The following METTL8 variants were observed in gnomAD, a reference collection of about 807,000 sequenced individuals.
METTL8 encodes the protein methyltransferase 8, tRNA N3-cytidine.
Under a neutral mutation model 48.7 loss-of-function variants are expected in METTL8, and 32 were observed. That is an observed-to-expected ratio of 0.66 (90% CI 0.50 to 0.88). The LOEUF is 0.88. Ranked by LOEUF, METTL8 falls within the 40% of genes least tolerant of loss-of-function variation. The pLI is 0.00. For synonymous variants in METTL8, 136 were observed against 157.1 expected (o/e 0.87, Z 1.01); for missense variants, 464 against 474.4 (o/e 0.98, Z 0.20).
intron 1 of METTL8, among the ~76,000 whole-genome samples, chr2:171,408,135 A>G (rs1346373087): frequency 6.6e-6 from 1 of 152,164 alleles, no homozygotes; most frequent in African/African-American, 2.4e-5. Flanking sequence ...CTCTATGTAC[A>G]AGGAGCTTAT....
intron 3 of METTL8, among the ~76,000 whole-genome samples, chr2:171,350,429 G>A (rs929739402): frequency 1.3e-5 from 2 of 152,208 alleles, no homozygotes; most frequent in African/African-American, 4.8e-5. Flanking sequence ...ACATACGTGT[G>A]CATGTGTCTT....
chr2:171,378,749 T>C (rs753898037), intron 2 of METTL8, among the ~76,000 whole-genome samples: 24 of 152,154 alleles, frequency 1.6e-4, no homozygotes, highest in Admixed American at 9.2e-4. Context: ...AGCACCCAGA[T>C]TCATAAAACA....
At chr2:171,381,560 G>GA (rs890584735) in intron 2 of METTL8, among the ~76,000 whole-genome samples, 9 of 149,182 alleles carry the variant, frequency 6.0e-5, no homozygotes, top group African/African-American at 1.2e-4. Flanking sequence ...AAATTTACAA[G>GA]AAAAAAAAAC....
chr2:171,330,400 G>A (rs61021737), intron 7 of METTL8, among the ~76,000 whole-genome samples, 159 bp downstream of exon 7: 8,691 of 152,238 alleles, frequency 0.057, 427 homozygotes, highest in African/African-American at 0.13. Context: ...CTAAAAGTAC[G>A]AAGAAAGGAA....
At chr2:171,388,651 G>A (rs1244243223) in intron 2 of METTL8, among the ~76,000 whole-genome samples, 1 of 152,142 alleles carries the variant, frequency 6.6e-6, no homozygotes, top group Non-Finnish European at 1.5e-5. Flanking sequence ...GTATAATTAT[G>A]CTTTGCTTGA....
At chr2:171,326,795 C>T (rs1206781955) in intron 7 of METTL8, among the ~76,000 whole-genome samples, 1 of 152,140 alleles carries the variant, frequency 6.6e-6, no homozygotes, top group East Asian at 1.9e-4. Context: ...CTCCTTAGGC[C>T]TGGAAACAAA....
intron 5 of METTL8, among the ~76,000 whole-genome samples, chr2:171,336,420 T>C (rs1214492354): frequency 5.9e-5 from 3 of 50,986 alleles, no homozygotes; most frequent in East Asian, 5.9e-4. Context: ...TTTTTTTTTT[T>C]AGACGGAGTC....
At chr2:171,373,363 G>A (rs1367901060) in intron 2 of METTL8, among the ~76,000 whole-genome samples, 3 of 152,088 alleles carry the variant, frequency 2.0e-5, no homozygotes, top group East Asian at 1.9e-4. Context: ...TGAGTTCTTT[G>A]TAGATTCTGG....
In METTL8 at chr2:171,351,767, C is replaced by G. The variant is rs201431042; in HGVS notation, c.235+8655G>C. ...ACTCATGATTTGGCTCTCTGTTTGT[C>G]TGTTATTGGTGTATAGGAATGCTTG... is the stretch of plus-strand genomic sequence containing the variant. On this transcript the variant is annotated intron_variant, in intron 3 of 9. Coordinates refer to ENST00000375258, the MANE Select transcript of METTL8 (RefSeq NM_001321154.2). Among the ~76,000 whole-genome samples the G allele has an allele frequency of 1.9e-3, 293 of 152,212 alleles. 7 individuals carry two copies. The East Asian group carries it at 0.029, about 15-fold the overall frequency.
chr2:171,351,367 C>G (rs1683892538), intron 3 of METTL8, among the ~76,000 whole-genome samples: 1 of 152,136 alleles, frequency 6.6e-6, no homozygotes, highest in Non-Finnish European at 1.5e-5. Context: ...TTACTGTAGG[C>G]TTGTAGTATA....
At chr2:171,375,351 G>A (rs1208614479) in intron 2 of METTL8, 9 of 653,720 alleles carry the variant, frequency 1.4e-5, no homozygotes, top group Non-Finnish European at 2.5e-5. Context: ...GCATAGTGGT[G>A]AGTAAAAACA....
intron 3 of METTL8, among the ~76,000 whole-genome samples, chr2:171,341,923 G>A (rs1036551573): frequency 3.9e-5 from 6 of 152,022 alleles, no homozygotes; most frequent in African/African-American, 1.4e-4. Context: ...AGTAATACTG[G>A]TTGCCTCTAG....
chr2:171,415,185 T>C (rs549808185), intron 1 of METTL8, among the ~76,000 whole-genome samples: 1 of 152,076 alleles, frequency 6.6e-6, no homozygotes, highest in South Asian at 2.1e-4. Context: ...AAAAGTCAGG[T>C]ACAAGATAGT....
At chr2:171,405,151 C>T (rs1690047161) in intron 1 of METTL8, among the ~76,000 whole-genome samples, 1 of 152,080 alleles carries the variant, frequency 6.6e-6, no homozygotes. Flanking sequence ...ACATGACAAA[C>T]TTTAAGGATC....
chr2:171,394,286 T>A (rs1323198536), intron 1 of METTL8, among the ~76,000 whole-genome samples: 1 of 151,954 alleles, frequency 6.6e-6, no homozygotes, highest in Non-Finnish European at 1.5e-5. Flanking sequence ...CTCAAAAGTA[T>A]AAAATGATGT....
upstream of METTL8, chr2:171,434,264 T>G: frequency 1.9e-6 from 1 of 520,874 alleles, no homozygotes; most frequent in Non-Finnish European, 3.7e-6. Flanking sequence ...AGGAACTACA[T>G]TTCCCGGTGA....
intron 9 of METTL8, among the ~76,000 whole-genome samples, chr2:171,325,037 G>A (rs556648169): frequency 5.4e-5 from 8 of 147,214 alleles, no homozygotes; most frequent in African/African-American, 1.0e-4. Flanking sequence ...TGGGAGAATC[G>A]TTTGAACCGG....
chr2:171,325,049 G>A (rs192695704), intron 9 of METTL8, among the ~76,000 whole-genome samples: 288 of 150,218 alleles, frequency 1.9e-3, no homozygotes, highest in African/African-American at 6.7e-3. Flanking sequence ...TTGAACCGGC[G>A]AGGTGGAGAT....
intron 2 of METTL8, among the ~76,000 whole-genome samples, chr2:171,387,843 G>T (rs1032404231): frequency 2.6e-5 from 4 of 152,060 alleles, no homozygotes; most frequent in Non-Finnish European, 5.9e-5. Flanking sequence ...AGATTCGGTT[G>T]CAATAAAAAC....
Sources: gnomAD v4.1 joint callset for allele counts (sites outside exome capture counted in the v4.1 genomes callset) on GRCh38, gnomAD v4.1.1 for gene constraint, MANE v1.5 for transcripts, NCBI Gene and HGNC (gene_info 2026-07-23, HGNC 2026-07-21) for gene names.